SH2B2: variants seen among roughly 807,000 people sequenced by gnomAD.
The protein encoded by SH2B2 is SH2B adapter protein 2.
Under a neutral mutation model 35.7 loss-of-function variants are expected in SH2B2, and 37 were observed. The ratio of observed to expected loss-of-function variants is 1.04; its 90% CI spans 0.80 to 1.36. The LOEUF is 1.36. SH2B2 is among the 40% of genes most tolerant of loss of function. The pLI, the probability that SH2B2 is intolerant of heterozygous loss-of-function variation, is 0.00. For synonymous variants in SH2B2, 383 were observed against 376.4 expected (o/e 1.02, Z -0.20); for missense variants, 852 against 817.7 (o/e 1.04, Z -0.51).
In SH2B2 at chr7:102,301,182, G is replaced by C. The variant is rs1793169875; in HGVS notation, c.632G>C (p.Gly211Ala). The C allele has an allele frequency of 6.3e-7, 1 of 1,582,118 alleles. No individual in the cohort carries two copies. The highest frequency in any genetic ancestry group is 1.4e-5 in the African/African-American group (1 of 73,070). The change falls in exon 2 of 9, where the codon GGC becomes GCC. Residue 211 changes from glycine (G) to alanine (A), a missense_variant. This residue lies in a region of SH2B2 where 556 missense variants were observed against 514.5 expected (regional missense o/e 1.08). Coordinates refer to ENST00000444095, the MANE Select transcript of SH2B2 (RefSeq NM_001359228.2). Reference sequence around the variant, plus strand: ...ATGGTGGCCGACGACGCGGCCGCGGGCTCCGGGGGCTCGGCTCAGTGGCAG... The same window carrying C: ...ATGGTGGCCGACGACGCGGCCGCGGCCTCCGGGGGCTCGGCTCAGTGGCAG... ...RFMVADDAAA[G>A]SGGSAQWQKC...
At chr7:102,298,424 TTGG>T (rs1261463753) in intron 1 of SH2B2, among the ~76,000 whole-genome samples, 1 of 151,702 alleles carries the variant, frequency 6.6e-6, no homozygotes, top group African/African-American at 2.4e-5. Flanking sequence ...CACATCCAGA[TTGG>T]TTGTTGTTGT....
At chr7:102,302,859 A>G (rs1218324950) in intron 2 of SH2B2, among the ~76,000 whole-genome samples, 1 of 151,200 alleles carries the variant, frequency 6.6e-6, no homozygotes, top group Non-Finnish European at 1.5e-5. Flanking sequence ...CAGAGGTTGC[A>G]GTGAGCCAAG....
In SH2B2 at chr7:102,308,781, C is replaced by T. The variant is rs782539398; in HGVS notation, c.832-34C>T. ...TGTGGTCTGGAGCCCATCTGCTGAC[C>T]GTGTTCTGCACTCCCGGCCACCTTC... On this transcript the variant is annotated intron_variant, in intron 3 of 8. Coordinates refer to ENST00000444095, the MANE Select transcript of SH2B2 (RefSeq NM_001359228.2). 39 of 1,532,582 alleles carry T rather than the reference C, an allele frequency of 2.5e-5. 1 individual carries two copies. In the Middle Eastern group the frequency reaches 3.6e-3, roughly 140 times the overall value. 94.9% of individuals were successfully genotyped at this position (1,532,582 alleles called of 1,614,324 possible).
chr7:102,318,387 C>T (rs1793936612), intron 7 of SH2B2, among the ~76,000 whole-genome samples: 1 of 152,220 alleles, frequency 6.6e-6, no homozygotes, highest in African/African-American at 2.4e-5. Flanking sequence ...GATCCACCCA[C>T]CTCAGCCTCC....
At chr7:102,312,099 C>G (rs1793648493) in intron 4 of SH2B2, among the ~76,000 whole-genome samples, 1 of 150,144 alleles carries the variant, frequency 6.7e-6, no homozygotes, top group Non-Finnish European at 1.5e-5. Flanking sequence ...AAATCCCAGG[C>G]ATGGTGGCTC....
intron 3 of SH2B2, among the ~76,000 whole-genome samples, chr7:102,307,769 T>G (rs1489659602): frequency 2.9e-5 from 4 of 138,144 alleles, no homozygotes; most frequent in African/African-American, 5.6e-5. Flanking sequence ...ATTTTTTTTG[T>G]TTTTTTTTTT....
chr7:102,292,739 G>A (rs146242759), intron 1 of SH2B2, among the ~76,000 whole-genome samples: 2 of 152,248 alleles, frequency 1.3e-5, no homozygotes, highest in Non-Finnish European at 2.9e-5. Context: ...ATAGCGAATG[G>A]TTCATTGGGG....
Position 102,306,720 on chromosome 7 carries a change from G to C in SH2B2, c.730-1G>C. 6.3e-7 allele frequency: 1 copy of C among 1,585,724 alleles called. No individual in the cohort carries two copies. Among genetic ancestry groups the C allele is most frequent in the Non-Finnish European group, 8.6e-7 (1 of 1,166,140 alleles). On this transcript the variant is annotated splice_acceptor_variant, in intron 2 of 8. Transcript: ENST00000444095. LOFTEE classifies it high-confidence loss of function. ...CTCACTATCCTTCTTCTGGCCCCCA[G>C]GCCTCCAGGCCCAAGGTCAGCATCC...
chr7:102,321,573 C>T lies in SH2B2; in HGVS notation c.1842C>T (p.Pro614=), dbSNP rs1794088448. ...TGGCCGCCACCGCCGCCGAGGAGCC[C>T]CCGGAGGCCGCGCCCGGCCGCGCGC... ...EAVAATAAEE[P]PEAAPGRARA... The change falls in exon 9 of 9, where the codon CCC becomes CCT. Residue 614 remains proline, a synonymous_variant. Coordinates refer to ENST00000444095, the MANE Select transcript of SH2B2 (RefSeq NM_001359228.2). 9 of 1,160,100 alleles carry T rather than the reference C, an allele frequency of 7.8e-6. No individual in the cohort carries two copies. The East Asian group carries it at 2.9e-4, about 38-fold the overall frequency. 71.9% of individuals were successfully genotyped at this position (1,160,100 alleles called of 1,614,324 possible).
At position 102,321,398 on chromosome 7, in the gene SH2B2, C is replaced by T; in HGVS notation, c.1667C>T (p.Pro556Leu). The change falls in exon 9 of 9, where the codon CCG becomes CTG. Residue 556 changes from proline (P) to leucine (L), a missense_variant. Physicochemically the swap from Pro to Leu is moderately conservative, Grantham distance 98. Transcript: ENST00000444095. The stretch of plus-strand genomic sequence containing the variant: ...TCCAGCCTCGCCGCGGCCGCCTGCC[C>T]GCCTGCCTCGCCCTCCGACGCCGCC... Reference protein sequence around the residue: ...YFSSLAAAACPPASPSDAAGA... With the variant: ...YFSSLAAAACLPASPSDAAGA... The T allele has an allele frequency of 7.3e-7, 1 of 1,373,916 alleles. No individual in the cohort carries two copies. The highest frequency in any genetic ancestry group is 1.6e-5 in the South Asian group (1 of 64,510). The allele number at this position is 1,373,916 out of a possible 1,614,324, so 85.1% of individuals were successfully genotyped here. A position where few individuals can be genotyped will look rare whatever the true frequency, so the allele number is the denominator to read the frequency against.
rs781864685 is a variant in SH2B2 at position 102,300,775 on chromosome 7, G to T, written c.225G>T (p.Glu75Asp). The change falls in exon 2 of 9, where the codon GAG becomes GAT. Residue 75 changes from glutamate to aspartate, a missense_variant. Physicochemically the swap from Glu to Asp is conservative, Grantham distance 45. Coordinates refer to ENST00000444095, the MANE Select transcript of SH2B2 (RefSeq NM_001359228.2). ...FAANFLDVFG[E>D]EVRRVLVAGP... ...CCAACTTCCTGGACGTCTTCGGCGAGGAGGTGCGCCGCGTGCTGGTGGCTG... is the reference window on the plus strand; with the variant it reads ...CCAACTTCCTGGACGTCTTCGGCGATGAGGTGCGCCGCGTGCTGGTGGCTG... The T allele has an allele frequency of 2.6e-6, 4 of 1,528,162 alleles. No homozygotes were observed. In the African/African-American group the frequency reaches 5.6e-5, roughly 21 times the overall value. The allele number at this position is 1,528,162 out of a possible 1,614,324, so 94.7% of individuals were successfully genotyped here.
At chr7:102,300,271 C>T (rs574446054) in intron 1 of SH2B2, among the ~76,000 whole-genome samples, 2 of 152,328 alleles carry the variant, frequency 1.3e-5, no homozygotes, top group Non-Finnish European at 2.9e-5. Context: ...CTCAGGTGAT[C>T]CACCCACCTC....
chr7:102,315,124 G>C (rs953669644), intron 6 of SH2B2, among the ~76,000 whole-genome samples: 1 of 151,868 alleles, frequency 6.6e-6, no homozygotes, highest in Admixed American at 6.6e-5. Context: ...GGGAGGCGGA[G>C]GTTGCAGTGA....
chr7:102,293,470 G>GA (rs141126119), intron 1 of SH2B2, among the ~76,000 whole-genome samples: 32 of 143,036 alleles, frequency 2.2e-4, no homozygotes, highest in South Asian at 4.6e-4. Context: ...CAGAGATGGG[G>GA]AAAAAAAAAA....
At chr7:102,317,573 A>G (rs1260995899) in intron 7 of SH2B2, among the ~76,000 whole-genome samples, 178 bp downstream of exon 7, 1 of 152,090 alleles carries the variant, frequency 6.6e-6, no homozygotes, top group African/African-American at 2.4e-5. Context: ...CGTCCCTCCT[A>G]CACATCACTG....
intron 2 of SH2B2, 53 bp from the exon 3 acceptor site, chr7:102,306,668 A>G: frequency 1.5e-6 from 2 of 1,344,634 alleles, no homozygotes; most frequent in African/African-American, 1.4e-5. Flanking sequence ...GAGGGGATGG[A>G]AAGGGTGTCG....
chr7:102,297,956 C>T lies in SH2B2; in HGVS notation c.-29-2566C>T, dbSNP rs1164612502. Among the ~76,000 whole-genome samples the T allele has an allele frequency of 2.6e-5, 4 of 152,106 alleles. No individual in the cohort carries two copies. Among genetic ancestry groups the T allele is most frequent in the Non-Finnish European group, 5.9e-5 (4 of 68,022 alleles). On this transcript the variant is annotated intron_variant, in intron 1 of 8. Coordinates refer to ENST00000444095, the MANE Select transcript of SH2B2 (RefSeq NM_001359228.2). The surrounding 1 kb of genome is among the most constrained non-coding windows in gnomAD (Gnocchi z 4.3). Reference sequence around the variant, plus strand: ...TCAAGAGTGGTCAGGGAAGGCTATCCGCCAAGCCATTGGTTGAGCAGAAAC... The same window carrying T: ...TCAAGAGTGGTCAGGGAAGGCTATCTGCCAAGCCATTGGTTGAGCAGAAAC...
At chr7:102,306,531 ATTTC>A (rs1403249552) in intron 2 of SH2B2, among the ~76,000 whole-genome samples, 186 bp from the exon 3 acceptor site, 82 of 152,302 alleles carry the variant, frequency 5.4e-4, no homozygotes, top group African/African-American at 1.9e-3. Flanking sequence ...GCCAGGAAAA[ATTTC>A]TTTCTTGTTT....
chr7:102,321,618 C>G lies in SH2B2; in HGVS notation c.1887C>G (p.Tyr629Ter). 8.7e-7 allele frequency: 1 copy of G among 1,153,074 alleles called. No homozygotes were observed. The highest frequency in any genetic ancestry group is 1.1e-6 in the Non-Finnish European group (1 of 936,682). 71.4% of individuals were successfully genotyped at this position (1,153,074 alleles called of 1,614,324 possible). A position where few individuals can be genotyped will look rare whatever the true frequency, so the allele number is the denominator to read the frequency against. ...PGRARAVENQ[Y>*]SFY is the part of the protein sequence containing the mutation. ...GCGCGCGCGCCGTGGAGAACCAGTACTCCTTCTACTAGCCCGCGGCGCCGC... is the reference window on the plus strand; with the variant it reads ...GCGCGCGCGCCGTGGAGAACCAGTAGTCCTTCTACTAGCCCGCGGCGCCGC... Residue 629 changes from tyrosine (Y) to a stop codon, truncating the protein, a stop_gained, in exon 9 of 9, where the codon TAC becomes TAG. Coordinates refer to ENST00000444095, the MANE Select transcript of SH2B2 (RefSeq NM_001359228.2). LOFTEE classifies it high-confidence loss of function.
Sources: gnomAD v4.1 joint callset for allele counts (sites outside exome capture counted in the v4.1 genomes callset) on GRCh38, gnomAD v4.1.1 for gene constraint, gnomAD v4.1.1 regional missense constraint, Gnocchi (gnomAD v3.1) non-coding constraint, MANE v1.5 for transcripts, NCBI Gene and HGNC (gene_info 2026-07-23, HGNC 2026-07-21) for gene names.